The following ASAH2B variants were observed in gnomAD, a reference collection of about 807,000 sequenced individuals.
ASAH2B encodes the protein putative inactive neutral ceramidase B.
ASAH2B carries 1 observed loss-of-function variant against 2.9 expected under a neutral mutation model. That is an observed-to-expected ratio of 0.34 (90% CI 0.12 to 1.63). The LOEUF (loss-of-function observed/expected upper bound fraction) is 1.63, where lower values mean the gene tolerates loss of function less well. ASAH2B is among the 40% of genes most tolerant of loss of function. The probability of loss-of-function intolerance (pLI) is 0.36; values close to 1 mark genes in which losing one functional copy is unlikely to be tolerated. For missense variants in ASAH2B, 9 were observed against 37.7 expected (o/e 0.24, Z 1.99); for synonymous variants, 4 against 13.3 (o/e 0.30, Z 1.52).
At chr10:50,742,886 A>G (rs1265600534) in intron 1 of ASAH2B, 29 bp from the exon 2 acceptor site, 21 of 1,611,198 alleles carry the variant, frequency 1.3e-5, no homozygotes, top group Non-Finnish European at 1.8e-5. Flanking sequence ...ATGCAGAACC[A>G]TATACAACTC....
intron 2 of ASAH2B, among the ~76,000 whole-genome samples, chr10:50,744,179 C>T (rs1839873427): frequency 6.6e-6 from 1 of 150,988 alleles, no homozygotes; most frequent in African/African-American, 2.5e-5. Context: ...ACCTATAATC[C>T]ATCCCTAGAG....
chr10:50,741,026 A>G (rs1839822401), intron 1 of ASAH2B, among the ~76,000 whole-genome samples: 1 of 152,248 alleles, frequency 6.6e-6, no homozygotes. Context: ...ATTACAATTT[A>G]AGTTTAAGTT....
At chr10:50,742,143 T>A (rs1013301030) in intron 1 of ASAH2B, among the ~76,000 whole-genome samples, 1 of 151,820 alleles carries the variant, frequency 6.6e-6, no homozygotes, top group Non-Finnish European at 1.5e-5. Context: ...AAAAAAGAGA[T>A]CTGGGTGAGA....
rs1181818994 is a variant in ASAH2B, at chr10:50,756,725, C to A, written c.*1985C>A. 1 of 151,950 alleles carries A rather than the reference C, an allele frequency of 6.6e-6. No homozygotes were observed. Among genetic ancestry groups the A allele is most frequent in the Non-Finnish European group, 1.5e-5 (1 of 67,880 alleles). 9.4% of individuals were successfully genotyped at this position (151,950 alleles called of 1,614,324 possible). On this transcript the variant is annotated 3_prime_UTR_variant, in exon 6 of 6. Coordinates refer to ENST00000647317, the MANE Select transcript of ASAH2B (RefSeq NM_001321958.2). The stretch of plus-strand genomic sequence containing the variant: ...CCTATTTTCTCACCAGCTGTCATTT[C>A]TTCTAGGGCATGCAGTTCTATGTTC...
chr10:50,741,324 A>C, intron 1 of ASAH2B, among the ~76,000 whole-genome samples: 1 of 152,228 alleles, frequency 6.6e-6, no homozygotes, highest in Non-Finnish European at 1.5e-5. Context: ...GTATTGTGAC[A>C]GATACTGTGC....
rs530931027 is a variant in ASAH2B, at chr10:50,756,999, G to A, written c.*2259G>A. The A allele has an allele frequency of 7.9e-5, 12 of 151,780 alleles. No homozygotes were observed. The highest frequency in any genetic ancestry group is 2.7e-4 in the African/African-American group (11 of 41,478). 9.4% of individuals were successfully genotyped at this position (151,780 alleles called of 1,614,324 possible). A position where few individuals can be genotyped will look rare whatever the true frequency, so the allele number is the denominator to read the frequency against. On this transcript the variant is annotated 3_prime_UTR_variant, in exon 6 of 6. Transcript: ENST00000647317. ...GTAGGAGAACAATTTTGGAGATTTTGTTTCTCATGTTAAAGTGTCTGCATT... is the reference window on the plus strand; with the variant it reads ...GTAGGAGAACAATTTTGGAGATTTTATTTCTCATGTTAAAGTGTCTGCATT...
At chr10:50,748,832 G>A (rs1249823200) in intron 3 of ASAH2B, among the ~76,000 whole-genome samples, 2 of 151,028 alleles carry the variant, frequency 1.3e-5, no homozygotes, top group African/African-American at 4.9e-5. Context: ...AAATATCACT[G>A]TCTTTCTTTG....
chr10:50,744,298 G>C (rs1483921850), intron 2 of ASAH2B, among the ~76,000 whole-genome samples: 1 of 151,332 alleles, frequency 6.6e-6, no homozygotes, highest in Non-Finnish European at 1.5e-5. Flanking sequence ...TTAATTTGGT[G>C]GAAATTTGTT....
chr10:50,744,246 T>C (rs560207237), intron 2 of ASAH2B, among the ~76,000 whole-genome samples: 4 of 151,502 alleles, frequency 2.6e-5, no homozygotes, highest in African/African-American at 9.8e-5. Context: ...CCCAAGAAAA[T>C]AGATTCTTCA....
chr10:50,753,055 A>G (rs1839995355), intron 5 of ASAH2B, among the ~76,000 whole-genome samples: 1 of 146,198 alleles, frequency 6.8e-6, no homozygotes, highest in Non-Finnish European at 1.5e-5. Context: ...GAGTGAGGAG[A>G]TAATATATTC....
intron 3 of ASAH2B, among the ~76,000 whole-genome samples, chr10:50,746,705 A>G (rs1435284185): frequency 6.7e-6 from 1 of 149,960 alleles, no homozygotes. Flanking sequence ...AACAGGTATT[A>G]GGTGATATCT....
intron 2 of ASAH2B, among the ~76,000 whole-genome samples, chr10:50,744,433 T>TATC (rs1409633094): frequency 6.6e-6 from 1 of 151,626 alleles, no homozygotes. Context: ...ACCTATCTCA[T>TATC]ATCATATGCA....
chr10:50,742,310 G>A (rs954552260), intron 1 of ASAH2B, among the ~76,000 whole-genome samples: 11 of 152,062 alleles, frequency 7.2e-5, no homozygotes, highest in Non-Finnish European at 1.0e-4. Context: ...GGTAACTGCC[G>A]GCTGATCCTC....
At position 50,756,518 on chromosome 10, in the gene ASAH2B, TTTG is replaced by T. The variant is rs1837093353; in HGVS notation, c.*1781_*1783del. 6.6e-6 allele frequency: 1 copy of T among 151,992 alleles called. No homozygotes were observed. The highest frequency in any genetic ancestry group is 2.4e-5 in the African/African-American group (1 of 41,438). The allele number at this position is 151,992 out of a possible 1,614,324, so 9.4% of individuals were successfully genotyped here. A position where few individuals can be genotyped will look rare whatever the true frequency, so the allele number is the denominator to read the frequency against. ...ACTCATGATATGGTTTTTTAAAGTATTTGTTATTACTCAGAAGGGTTCATGAAT... is the reference window on the plus strand; with the variant it reads ...ACTCATGATATGGTTTTTTAAAGTATTTATTACTCAGAAGGGTTCATGAAT... On this transcript the variant is annotated 3_prime_UTR_variant, in exon 6 of 6. Transcript: ENST00000647317.
At chr10:50,748,892 G>A (rs1271156987) in intron 3 of ASAH2B, among the ~76,000 whole-genome samples, 2 of 151,296 alleles carry the variant, frequency 1.3e-5, no homozygotes, top group African/African-American at 2.4e-5. Context: ...TTTTTTAGTC[G>A]TTTCAGGTGG....
In ASAH2B at chr10:50,756,359, T is replaced by C. The variant is rs1837088861; in HGVS notation, c.*1619T>C. 1 of 151,654 alleles carries C rather than the reference T, an allele frequency of 6.6e-6. No homozygotes were observed. Among genetic ancestry groups the C allele is most frequent in the South Asian group, 2.1e-4 (1 of 4,828 alleles). 9.4% of individuals were successfully genotyped at this position (151,654 alleles called of 1,614,324 possible). A position where few individuals can be genotyped will look rare whatever the true frequency, so the allele number is the denominator to read the frequency against. Reference sequence around the variant, plus strand: ...TCCTTGGGCCTTAACTGCTGGAGGATTAGGTAATCAGGGATTCCAAGTGTT... The same window carrying C: ...TCCTTGGGCCTTAACTGCTGGAGGACTAGGTAATCAGGGATTCCAAGTGTT... On this transcript the variant is annotated 3_prime_UTR_variant, in exon 6 of 6. Transcript: ENST00000647317.
At chr10:50,741,208 C>T (rs1195367572) in intron 1 of ASAH2B, among the ~76,000 whole-genome samples, 4 of 152,162 alleles carry the variant, frequency 2.6e-5, no homozygotes, top group Non-Finnish European at 5.9e-5. Context: ...GGGGCCTTTG[C>T]CAGGGAACCA....
chr10:50,741,083 C>T (rs896286043), intron 1 of ASAH2B, among the ~76,000 whole-genome samples: 9 of 152,170 alleles, frequency 5.9e-5, no homozygotes, highest in African/African-American at 1.9e-4. Context: ...CTGAGCTGTC[C>T]AGTATGGTAG....
intron 3 of ASAH2B, among the ~76,000 whole-genome samples, chr10:50,748,823 A>G (rs1240369584): frequency 6.6e-6 from 1 of 151,020 alleles, no homozygotes; most frequent in Non-Finnish European, 1.5e-5. Flanking sequence ...CTGCCACTCA[A>G]ATATCACTGT....
Sources: allele counts gnomAD v4.1 joint callset (sites outside exome capture counted in the v4.1 genomes callset), GRCh38; gene constraint gnomAD v4.1.1; transcripts MANE v1.5; gene names NCBI Gene and HGNC (gene_info 2026-07-23, HGNC 2026-07-21).